GUCY1A2: variants seen among roughly 807,000 people sequenced by gnomAD.
GUCY1A2 encodes the protein guanylate cyclase soluble subunit alpha-2.
A neutral mutation model predicts 63.5 loss-of-function variants in GUCY1A2; 27 were observed. The ratio of observed to expected loss-of-function variants is 0.43; its 90% CI spans 0.31 to 0.59. The LOEUF (loss-of-function observed/expected upper bound fraction) is 0.59. Among genes scored for constraint, GUCY1A2 ranks in the 20% least tolerant of loss-of-function variants. GUCY1A2 has a pLI of 0.11. For missense variants in GUCY1A2, 768 were observed against 913.3 expected (o/e 0.84, Z 2.05); for synonymous variants, 364 against 343.5 (o/e 1.06, Z -0.66).
intron 4 of GUCY1A2, among the ~76,000 whole-genome samples, chr11:106,839,781 T>C (rs946838924): frequency 2.7e-5 from 4 of 147,640 alleles, no homozygotes; most frequent in Non-Finnish European, 4.5e-5. Flanking sequence ...ACACCACATG[T>C]TCTCACTCAC....
At chr11:106,919,602 G>A (rs910843941) in intron 4 of GUCY1A2, among the ~76,000 whole-genome samples, 7 of 152,096 alleles carry the variant, frequency 4.6e-5, no homozygotes, top group Non-Finnish European at 1.0e-4. Flanking sequence ...GACTCCCCAG[G>A]TGAAGTGGTC....
At chr11:106,808,428 G>A (rs1591285821) in intron 5 of GUCY1A2, among the ~76,000 whole-genome samples, 1 of 152,030 alleles carries the variant, frequency 6.6e-6, no homozygotes, top group African/African-American at 2.4e-5. Flanking sequence ...TAACTCACAA[G>A]GGAATGAATG....
At chr11:106,882,348 A>C (rs960781532) in intron 4 of GUCY1A2, among the ~76,000 whole-genome samples, 2 of 152,040 alleles carry the variant, frequency 1.3e-5, no homozygotes, top group African/African-American at 4.8e-5. Flanking sequence ...ACATGAATCT[A>C]ATTATTCAGG....
rs1862386147 is a variant in GUCY1A2, at chr11:106,678,722, G to A, written c.*8827C>T. On this transcript the variant is annotated 3_prime_UTR_variant, in exon 8 of 8. Coordinates refer to ENST00000526355, the MANE Select transcript of GUCY1A2 (RefSeq NM_000855.3). The stretch of plus-strand genomic sequence containing the variant: ...TATTCCGAGAAGTTTACAATGCGTT[G>A]TTCTATATTCTAATGTGAACAAGCT... The A allele has an allele frequency of 9.8e-6, 2 of 203,184 alleles. No homozygotes were observed. The highest frequency in any genetic ancestry group is 1.2e-4 in the Admixed American group (2 of 16,620). 12.6% of individuals were successfully genotyped at this position (203,184 alleles called of 1,614,324 possible).
chr11:106,942,641 G>A, intron 3 of GUCY1A2, among the ~76,000 whole-genome samples: 1 of 152,138 alleles, frequency 6.6e-6, no homozygotes. Context: ...AAAAAGAGAA[G>A]TTCTTCTAAC....
intron 6 of GUCY1A2, among the ~76,000 whole-genome samples, chr11:106,746,140 G>A (rs1407063297): frequency 1.3e-5 from 2 of 152,112 alleles, no homozygotes; most frequent in East Asian, 1.9e-4. Context: ...CATATCAGTG[G>A]CTAGCACCCA....
intron 6 of GUCY1A2, among the ~76,000 whole-genome samples, chr11:106,737,761 G>T (rs1020682265): frequency 2.6e-5 from 4 of 152,168 alleles, no homozygotes; most frequent in Non-Finnish European, 1.5e-5. Flanking sequence ...GTATTCCATG[G>T]TGTATGTGTC....
intron 4 of GUCY1A2, among the ~76,000 whole-genome samples, chr11:106,839,007 T>G (rs2135441983): frequency 6.6e-6 from 1 of 152,242 alleles, no homozygotes; most frequent in Non-Finnish European, 1.5e-5. Flanking sequence ...AATTTTGGCT[T>G]TTGTTGCCAT....
intron 7 of GUCY1A2, among the ~76,000 whole-genome samples, chr11:106,700,245 TTAAAGAC>T (rs1862796212): frequency 6.6e-6 from 1 of 152,138 alleles, no homozygotes; most frequent in African/African-American, 2.4e-5. Context: ...ATTCTGATTT[TTAAAGAC>T]TTCACTGCAA....
chr11:106,904,367 T>C (rs1860175617), intron 4 of GUCY1A2, among the ~76,000 whole-genome samples: 1 of 152,132 alleles, frequency 6.6e-6, no homozygotes, highest in Non-Finnish European at 1.5e-5. Context: ...TCCTATAATG[T>C]TATCTCAATA....
chr11:106,846,222 G>T (rs1262405140), intron 4 of GUCY1A2, among the ~76,000 whole-genome samples: 3 of 151,512 alleles, frequency 2.0e-5, no homozygotes, highest in African/African-American at 7.3e-5. Flanking sequence ...TACATCTTTG[G>T]TAATATACTT....
chr11:106,830,515 AGCTGCCAGC>A (rs1037258575), intron 4 of GUCY1A2, among the ~76,000 whole-genome samples: 1 of 152,220 alleles, frequency 6.6e-6, no homozygotes, highest in Non-Finnish European at 1.5e-5. Flanking sequence ...CCATCTAATC[AGCTGCCAGC>A]GCTGCCAGAA....
chr11:106,961,808 G>A (rs1861061805), intron 3 of GUCY1A2, among the ~76,000 whole-genome samples: 1 of 152,138 alleles, frequency 6.6e-6, no homozygotes, highest in South Asian at 2.1e-4. Context: ...CAGTGAATCA[G>A]TTGGCTTGGT....
At chr11:106,804,125 C>A (rs548438434) in intron 5 of GUCY1A2, among the ~76,000 whole-genome samples, 36 of 152,272 alleles carry the variant, frequency 2.4e-4, no homozygotes, top group African/African-American at 8.7e-4. Context: ...GTCATGGCTC[C>A]TTATCAAATG....
At chr11:106,806,547 T>G (rs72982584) in intron 5 of GUCY1A2, among the ~76,000 whole-genome samples, 12,408 of 152,276 alleles carry the variant, frequency 0.081, 589 homozygotes, top group African/African-American at 0.13. Context: ...ATGCCATTGA[T>G]TTACAAAATT....
At chr11:106,802,244 T>C (rs1858614156) in intron 5 of GUCY1A2, among the ~76,000 whole-genome samples, 1 of 152,190 alleles carries the variant, frequency 6.6e-6, no homozygotes, top group South Asian at 2.1e-4. Context: ...ACTCACCCTA[T>C]GTATAAACTA....
chr11:106,909,297 A>C (rs1458312049), intron 4 of GUCY1A2, among the ~76,000 whole-genome samples: 2 of 151,168 alleles, frequency 1.3e-5, no homozygotes, highest in East Asian at 3.9e-4. Flanking sequence ...ACAACATTGG[A>C]AACAATATTG....
At chr11:106,964,436 C>T (rs1861100634) in intron 3 of GUCY1A2, among the ~76,000 whole-genome samples, 1 of 152,086 alleles carries the variant, frequency 6.6e-6, no homozygotes, top group South Asian at 2.1e-4. Flanking sequence ...AGGTACCTGA[C>T]CACTAGGTAC....
rs529380324 is a variant in GUCY1A2, at chr11:107,005,575, C to A, written c.303+12178G>T. Among the ~76,000 whole-genome samples the A allele has an allele frequency of 1.2e-4, 19 of 152,210 alleles. No homozygotes were observed. The South Asian group carries it at 3.9e-3, about 32-fold the overall frequency. ...AGGCGTGATTTTACATTTTTAAATA[C>A]AAAAATGACAATGTAAAATGTTTTT... is the stretch of plus-strand genomic sequence containing the variant. On this transcript the variant is annotated intron_variant, in intron 1 of 7. Coordinates refer to ENST00000526355, the MANE Select transcript of GUCY1A2 (RefSeq NM_000855.3).
Sources: gnomAD v4.1 joint callset for allele counts (sites outside exome capture counted in the v4.1 genomes callset) on GRCh38, gnomAD v4.1.1 for gene constraint, MANE v1.5 for transcripts, NCBI Gene and HGNC (gene_info 2026-07-23, HGNC 2026-07-21) for gene names.